Variants in OR10H5 observed in about 807,000 individuals in gnomAD.
OR10H5 encodes the protein olfactory receptor family 10 subfamily H member 5, also known as olfactory receptor 10H5.
A neutral mutation model predicts 12.2 loss-of-function variants in OR10H5; 7 were observed. The observed-to-expected ratio is 0.57, with a 90% CI of 0.33 to 1.07. The LOEUF (loss-of-function observed/expected upper bound fraction) is 1.07. Among genes scored for constraint, OR10H5 ranks in the 50% least tolerant of loss-of-function variants. The probability of loss-of-function intolerance (pLI) is 0.04; values close to 1 mark genes in which losing one functional copy is unlikely to be tolerated. For missense variants in OR10H5, 346 were observed against 411.6 expected (o/e 0.84, Z 1.38); for synonymous variants, 159 against 175.1 (o/e 0.91, Z 0.73).
rs1235404018 is a variant in OR10H5 at position 15,800,238 on chromosome 19, T to C, written c.*5242T>C. 1.3e-5 allele frequency: 2 copies of C among 152,192 alleles called. No individual in the cohort carries two copies. Among genetic ancestry groups the C allele is most frequent in the African/African-American group, 4.8e-5 (2 of 41,448 alleles). 9.4% of individuals were successfully genotyped at this position (152,192 alleles called of 1,614,324 possible). A position where few individuals can be genotyped will look rare whatever the true frequency, so the allele number is the denominator to read the frequency against. On this transcript the variant is annotated 3_prime_UTR_variant, in exon 2 of 2. Coordinates refer to ENST00000642092, the MANE Select transcript of OR10H5 (RefSeq NM_001004466.2). ...TATTTGTTTATTTATGTCTTCCTCT[T>C]TCTAGGGCAGACATTGAGATCGGGA...
At position 15,798,746 on chromosome 19, in the gene OR10H5, A is replaced by T. The variant is rs1234861361; in HGVS notation, c.*3750A>T. Reference sequence around the variant, plus strand: ...AGTTTCTGTCTGCCAAGCAGCTAGAAGGAGCTTTTTTTTTTTTTTTTTTTT... The same window carrying T: ...AGTTTCTGTCTGCCAAGCAGCTAGATGGAGCTTTTTTTTTTTTTTTTTTTT... On this transcript the variant is annotated 3_prime_UTR_variant, in exon 2 of 2. Coordinates refer to ENST00000642092, the MANE Select transcript of OR10H5 (RefSeq NM_001004466.2). The T allele has an allele frequency of 7.0e-6, 1 of 142,194 alleles. No individual in the cohort carries two copies. The highest frequency in any genetic ancestry group is 2.1e-4 in the East Asian group (1 of 4,666). The allele number at this position is 142,194 out of a possible 1,614,324, so 8.8% of individuals were successfully genotyped here.
In OR10H5 at chr19:15,798,909, A is replaced by G. The variant is rs758334925; in HGVS notation, c.*3913A>G. 1.3e-5 allele frequency: 2 copies of G among 151,926 alleles called. No homozygotes were observed. Among genetic ancestry groups the G allele is most frequent in the Non-Finnish European group, 2.9e-5 (2 of 68,000 alleles). 9.4% of individuals were successfully genotyped at this position (151,926 alleles called of 1,614,324 possible). A position where few individuals can be genotyped will look rare whatever the true frequency, so the allele number is the denominator to read the frequency against. ...GTAGCTGGGATTGCAGGCACATGCCACCACACCCAACTATTTTTTGTATTT... is the reference window on the plus strand; with the variant it reads ...GTAGCTGGGATTGCAGGCACATGCCGCCACACCCAACTATTTTTTGTATTT... On this transcript the variant is annotated 3_prime_UTR_variant, in exon 2 of 2. Transcript: ENST00000642092.
chr19:15,794,025 C>T lies in OR10H5; in HGVS notation c.-11-13C>T, dbSNP rs765308362. The T allele has an allele frequency of 3.6e-5, 57 of 1,592,580 alleles. No individual in the cohort carries two copies. Among genetic ancestry groups the T allele is most frequent in the Non-Finnish European group, 4.6e-5 (54 of 1,167,238 alleles). ...CTAACCACTGGGTCTTCTTTCCTCT[C>T]TCCACCAACTAGGGGTGGCCGCCAT... On this transcript the variant is annotated splice_polypyrimidine_tract_variant and intron_variant, in intron 1 of 1. Transcript: ENST00000642092.
chr19:15,794,617 G>A lies in OR10H5; in HGVS notation c.569G>A (p.Gly190Glu), dbSNP rs141262320. The A allele has an allele frequency of 6.2e-5, 100 of 1,614,062 alleles. No individual in the cohort carries two copies. In the African/African-American group the frequency reaches 8.9e-4, roughly 14 times the overall value. ...CCACCTCTGTTGAAGTTGGCCTGTG[G>A]AGATGATGTGCTGGTGGTGGCCAAA... Reference protein sequence around the residue: ...HVPPLLKLACGDDVLVVAKGV... With the variant: ...HVPPLLKLACEDDVLVVAKGV... The change falls in exon 2 of 2, where the codon GGA becomes GAA. Residue 190 changes from glycine to glutamate, a missense_variant. By Grantham distance (98) the Gly-to-Glu change is moderately conservative. Coordinates refer to ENST00000642092, the MANE Select transcript of OR10H5 (RefSeq NM_001004466.2).
In OR10H5 at chr19:15,795,753, G is replaced by C. The variant is rs1000641102; in HGVS notation, c.*757G>C. ...TTATTTTACTTCACAGGGAAGATAG[G>C]ATTACTAACTCCATTTTGTTTGTTC... is the stretch of plus-strand genomic sequence containing the variant. On this transcript the variant is annotated 3_prime_UTR_variant, in exon 2 of 2. Coordinates refer to ENST00000642092, the MANE Select transcript of OR10H5 (RefSeq NM_001004466.2). The C allele has an allele frequency of 6.6e-6, 1 of 152,186 alleles. No individual in the cohort carries two copies. Among genetic ancestry groups the C allele is most frequent in the African/African-American group, 2.4e-5 (1 of 41,410 alleles). 9.4% of individuals were successfully genotyped at this position (152,186 alleles called of 1,614,324 possible). A position where few individuals can be genotyped will look rare whatever the true frequency, so the allele number is the denominator to read the frequency against.
chr19:15,790,628 G>C (rs1346387128), intron 1 of OR10H5, among the ~76,000 whole-genome samples: 1 of 152,026 alleles, frequency 6.6e-6, no homozygotes, highest in African/African-American at 2.4e-5. Flanking sequence ...TGCTATAGAG[G>C]GGGAGGGAGT....
rs2144930939 is a variant in OR10H5, at chr19:15,796,009, G to A, written c.*1013G>A. The A allele has an allele frequency of 6.6e-6, 1 of 152,380 alleles. No homozygotes were observed. Among genetic ancestry groups the A allele is most frequent in the East Asian group, 1.9e-4 (1 of 5,182 alleles). The allele number at this position is 152,380 out of a possible 1,614,324, so 9.4% of individuals were successfully genotyped here. A position where few individuals can be genotyped will look rare whatever the true frequency, so the allele number is the denominator to read the frequency against. ...GCTAGTCTTGAACTCCTGGCCTCAA[G>A]CAATCCTGCCATCTCGGCCTCCCCA... is the stretch of plus-strand genomic sequence containing the variant. On this transcript the variant is annotated 3_prime_UTR_variant, in exon 2 of 2. Transcript: ENST00000642092.
In OR10H5 at chr19:15,797,621, C is replaced by T. The variant is rs2088846811; in HGVS notation, c.*2625C>T. ...AGTTGGGCTTAGTGTTGTTTTTATA[C>T]ATGGCATATTCTAGACCCTGAGGGC... is the stretch of plus-strand genomic sequence containing the variant. On this transcript the variant is annotated 3_prime_UTR_variant, in exon 2 of 2. Coordinates refer to ENST00000642092, the MANE Select transcript of OR10H5 (RefSeq NM_001004466.2). 6.6e-6 allele frequency: 1 copy of T among 152,124 alleles called. No individual in the cohort carries two copies. Among genetic ancestry groups the T allele is most frequent in the Admixed American group, 6.6e-5 (1 of 15,264 alleles). The allele number at this position is 152,124 out of a possible 1,614,324, so 9.4% of individuals were successfully genotyped here. A position where few individuals can be genotyped will look rare whatever the true frequency, so the allele number is the denominator to read the frequency against.
chr19:15,791,549 C>A (rs1018522960), intron 1 of OR10H5, among the ~76,000 whole-genome samples: 2 of 151,866 alleles, frequency 1.3e-5, no homozygotes, highest in Non-Finnish European at 2.9e-5. Flanking sequence ...ATTTGATCAT[C>A]ATTGATATGA....
chr19:15,791,461 C>CAT (rs1360347504), intron 1 of OR10H5, among the ~76,000 whole-genome samples: 1 of 151,992 alleles, frequency 6.6e-6, no homozygotes, highest in Non-Finnish European at 1.5e-5. Context: ...CACACACACA[C>CAT]ACACACACAC....
At chr19:15,791,850 G>A (rs567520015) in intron 1 of OR10H5, among the ~76,000 whole-genome samples, 4 of 151,908 alleles carry the variant, frequency 2.6e-5, no homozygotes, top group South Asian at 2.1e-4. Flanking sequence ...CCGCCACCAC[G>A]CCCAGCTAAT....
chr19:15,794,773 G>A lies in OR10H5; in HGVS notation c.725G>A (p.Cys242Tyr). 1 of 1,613,506 alleles carries A rather than the reference G, an allele frequency of 6.2e-7. No homozygotes were observed. The highest frequency in any genetic ancestry group is 8.5e-7 in the Non-Finnish European group (1 of 1,179,596). Reference sequence around the variant, plus strand: ...GGTCGGAACAAGGCCTTCTCCACCTGTGCCTCTCACCTCACTGTGGTGGTC... The same window carrying A: ...GGTCGGAACAAGGCCTTCTCCACCTATGCCTCTCACCTCACTGTGGTGGTC... ...AEGRNKAFSTCASHLTVVVVH... is the reference protein window; with the variant it reads ...AEGRNKAFSTYASHLTVVVVH... The change falls in exon 2 of 2, where the codon TGT becomes TAT. Residue 242 changes from cysteine (C) to tyrosine (Y), a missense_variant. Transcript: ENST00000642092.
rs1007596215 is a variant in OR10H5 at position 15,795,291 on chromosome 19, C to CT, written c.*296dup. 4.8e-5 allele frequency: 19 copies of CT among 399,514 alleles called. No individual in the cohort carries two copies. The highest frequency in any genetic ancestry group is 1.3e-5 in the Non-Finnish European group (3 of 223,252). 24.7% of individuals were successfully genotyped at this position (399,514 alleles called of 1,614,324 possible). On this transcript the variant is annotated 3_prime_UTR_variant, in exon 2 of 2. Transcript: ENST00000642092. ...TTTCTGTTTCTATACCTCTCTGTCT[C>CT]TGTCACTCTCTTTCTCCCTCCTTGT...
rs1457839241 is a variant in OR10H5, at chr19:15,796,646, C to A, written c.*1650C>A. Reference sequence around the variant, plus strand: ...CTGCATGTGCCTGTAGTACCAGCTACTCAAGAGGCTGAGGTGGGAGGATCA... The same window carrying A: ...CTGCATGTGCCTGTAGTACCAGCTAATCAAGAGGCTGAGGTGGGAGGATCA... On this transcript the variant is annotated 3_prime_UTR_variant, in exon 2 of 2. Coordinates refer to ENST00000642092, the MANE Select transcript of OR10H5 (RefSeq NM_001004466.2). 6.6e-6 allele frequency: 1 copy of A among 152,146 alleles called. No homozygotes were observed. Among genetic ancestry groups the A allele is most frequent in the Non-Finnish European group, 1.5e-5 (1 of 68,054 alleles). The allele number at this position is 152,146 out of a possible 1,614,324, so 9.4% of individuals were successfully genotyped here. A position where few individuals can be genotyped will look rare whatever the true frequency, so the allele number is the denominator to read the frequency against.
intron 1 of OR10H5, among the ~76,000 whole-genome samples, chr19:15,790,770 T>C (rs2088806180): frequency 6.6e-6 from 1 of 152,148 alleles, no homozygotes; most frequent in Admixed American, 6.5e-5. Flanking sequence ...TGTGGAATGA[T>C]CATTCCTAAC....
At chr19:15,790,764 G>T (rs1051914931) in intron 1 of OR10H5, among the ~76,000 whole-genome samples, 1 of 152,118 alleles carries the variant, frequency 6.6e-6, no homozygotes, top group Non-Finnish European at 1.5e-5. Flanking sequence ...TTTCTGTGTG[G>T]AATGATCATT....
Position 15,795,049 on chromosome 19 carries a change from CT to C in OR10H5, c.*54del. 6.7e-7 allele frequency: 1 copy of C among 1,492,228 alleles called. No homozygotes were observed. The highest frequency in any genetic ancestry group is 9.2e-7 in the Non-Finnish European group (1 of 1,092,576). 92.4% of individuals were successfully genotyped at this position (1,492,228 alleles called of 1,614,324 possible). A position where few individuals can be genotyped will look rare whatever the true frequency, so the allele number is the denominator to read the frequency against. ...AGCGAATGGGAACACTTTAGTCTTC[CT>C]CCTTTATTTCTTTTCCTTTCCTCCC... On this transcript the variant is annotated 3_prime_UTR_variant, in exon 2 of 2. Transcript: ENST00000642092.
rs2088798580 is a variant in OR10H5, at chr19:15,789,385, G to T, written c.-12+1669G>T. On this transcript the variant is annotated intron_variant, in intron 1 of 1. Transcript: ENST00000642092. ...ATGATAAAGTGCATAAGCAGAAAGA[G>T]CTGGATGAGTTGAATTGTGTCTCCT... Among the ~76,000 whole-genome samples, 7 of 152,162 alleles carry T rather than the reference G, an allele frequency of 4.6e-5. 1 individual carries two copies. The highest frequency in any genetic ancestry group is 4.6e-4 in the Admixed American group (7 of 15,280).
intron 1 of OR10H5, among the ~76,000 whole-genome samples, chr19:15,793,090 T>C (rs2088816469): frequency 6.6e-6 from 1 of 152,182 alleles, no homozygotes; most frequent in Admixed American, 6.5e-5. Flanking sequence ...ATGCATGATC[T>C]TATTTAAACC....
Sources: gnomAD v4.1 joint callset for allele counts (sites outside exome capture counted in the v4.1 genomes callset) on GRCh38, gnomAD v4.1.1 for gene constraint, MANE v1.5 for transcripts, NCBI Gene and HGNC (gene_info 2026-07-23, HGNC 2026-07-21) for gene names.